The following POLR3B variants were observed in gnomAD, a reference collection of about 807,000 sequenced individuals.
POLR3B encodes the protein DNA-directed RNA polymerase III subunit RPC2.
POLR3B carries 96 observed loss-of-function variants against 147.4 expected under a neutral mutation model. That is an observed-to-expected ratio of 0.65 (90% confidence interval 0.55 to 0.77). The LOEUF (loss-of-function observed/expected upper bound fraction) is 0.77. Among genes scored for constraint, POLR3B ranks in the 30% least tolerant of loss-of-function variants. The pLI is 0.00. For missense variants in POLR3B, 1,036 were observed against 1,413.5 expected (o/e 0.73, Z 4.28); for synonymous variants, 461 against 485.9 (o/e 0.95, Z 0.67).
chr12:106,496,907 C>A lies in POLR3B; in HGVS notation c.2973C>A (p.Ser991=). 6.2e-7 allele frequency: 1 copy of A among 1,613,788 alleles called. No homozygotes were observed. Among genetic ancestry groups the A allele is most frequent in the East Asian group, 2.2e-5 (1 of 44,818 alleles). Residue 991 remains serine (S), a synonymous_variant, in exon 25 of 28, where the codon TCC becomes TCA. Coordinates refer to ENST00000228347, the MANE Select transcript of POLR3B (RefSeq NM_018082.6). ...YNYLGKDYVT[S]GITGEPLEAY... ...ACTTGGGGAAAGACTATGTTACATCCGGCATCACAGGGTAAGCATGCGATT... is the reference window on the plus strand; with the variant it reads ...ACTTGGGGAAAGACTATGTTACATCAGGCATCACAGGGTAAGCATGCGATT...
At chr12:106,372,089 A>G (rs1565875391) in intron 6 of POLR3B, among the ~76,000 whole-genome samples, 1 of 152,188 alleles carries the variant, frequency 6.6e-6, no homozygotes, top group Non-Finnish European at 1.5e-5. Context: ...TATATGTGCT[A>G]TGCATTACCT....
chr12:106,488,401 G>C (rs769667749), intron 23 of POLR3B, among the ~76,000 whole-genome samples: 30 of 152,278 alleles, frequency 2.0e-4, no homozygotes, highest in South Asian at 1.9e-3. Context: ...TCAAAGTTGT[G>C]AATTTGTCTT....
intron 1 of POLR3B, 74 bp downstream of exon 1, chr12:106,358,025 C>A: frequency 1.9e-6 from 3 of 1,584,000 alleles, no homozygotes; most frequent in South Asian, 2.3e-5. Flanking sequence ...AGTGCTCGGG[C>A]CGCCAAGGGG....
chr12:106,403,560 C>A, intron 10 of POLR3B, among the ~76,000 whole-genome samples: 1 of 151,974 alleles, frequency 6.6e-6, no homozygotes, highest in East Asian at 1.9e-4. Context: ...AGAATCAACC[C>A]AAATGTCCAA....
intron 12 of POLR3B, among the ~76,000 whole-genome samples, chr12:106,419,923 T>C (rs1462888045): frequency 6.6e-6 from 1 of 151,942 alleles, no homozygotes; most frequent in East Asian, 1.9e-4. Context: ...CCTCACAGTT[T>C]TGTGGGTCAA....
intron 11 of POLR3B, among the ~76,000 whole-genome samples, chr12:106,408,627 G>C (rs1186931558): frequency 2.6e-5 from 4 of 152,126 alleles, no homozygotes; most frequent in Non-Finnish European, 1.5e-5. Context: ...AAAGATCTCC[G>C]GAGTTCTGAA....
chr12:106,391,151 T>C (rs1379403948), intron 9 of POLR3B, among the ~76,000 whole-genome samples: 1 of 152,216 alleles, frequency 6.6e-6, no homozygotes, highest in East Asian at 1.9e-4. Context: ...CTCACCCCCA[T>C]GGCAGTTGAC....
intron 9 of POLR3B, among the ~76,000 whole-genome samples, chr12:106,383,462 C>CT (rs35608186): frequency 0.23 from 34,318 of 151,510 alleles, 4,193 homozygotes; most frequent in African/African-American, 0.3. Context: ...ACATGCAACC[C>CT]TTTTTTTTAC....
intron 10 of POLR3B, among the ~76,000 whole-genome samples, chr12:106,399,020 C>T (rs7316730): frequency 0.39 from 59,735 of 151,934 alleles, 13,936 homozygotes; most frequent in African/African-American, 0.65. Flanking sequence ...AGGCTTCACA[C>T]GATCAAACTA....
At chr12:106,391,439 A>G (rs1023152192) in intron 9 of POLR3B, among the ~76,000 whole-genome samples, 7 of 145,998 alleles carry the variant, frequency 4.8e-5, no homozygotes, top group South Asian at 2.1e-4. Context: ...TGAAGGGAGT[A>G]TCAAAGAATC....
At chr12:106,485,050 G>C (rs985737712) in intron 23 of POLR3B, among the ~76,000 whole-genome samples, 1 of 152,046 alleles carries the variant, frequency 6.6e-6, no homozygotes, top group African/African-American at 2.4e-5. Flanking sequence ...TGGGTGTCTT[G>C]GTCCATTTTC....
In POLR3B at chr12:106,496,866, C is replaced by A; in HGVS notation, c.2932C>A (p.Arg978Ser). The change falls in exon 25 of 28, where the codon CGC becomes AGC. Residue 978 changes from arginine (R) to serine (S), a missense_variant. By Grantham distance (110) the Arg-to-Ser change is moderately radical. This residue lies in a region of POLR3B where 88 missense variants were observed against 87.5 expected (regional missense o/e 1.01). Coordinates refer to ENST00000228347, the MANE Select transcript of POLR3B (RefSeq NM_018082.6). ...GAAGGATGTGTGTGAGGACCTCGTTCGCCATGGTTATAACTACTTGGGGAA... is the reference window on the plus strand; with the variant it reads ...GAAGGATGTGTGTGAGGACCTCGTTAGCCATGGTTATAACTACTTGGGGAA... ...KVKDVCEDLV[R>S]HGYNYLGKDY... 1.2e-6 allele frequency: 2 copies of A among 1,614,012 alleles called. No homozygotes were observed. Among genetic ancestry groups the A allele is most frequent in the African/African-American group, 1.3e-5 (1 of 75,002 alleles).
At chr12:106,367,386 C>G (rs908603003) in intron 4 of POLR3B, among the ~76,000 whole-genome samples, 1 of 152,142 alleles carries the variant, frequency 6.6e-6, no homozygotes, top group African/African-American at 2.4e-5. Flanking sequence ...AGCACAGATA[C>G]GATGTTGTCT....
chr12:106,401,183 A>G (rs1347744981), intron 10 of POLR3B, among the ~76,000 whole-genome samples: 2 of 152,230 alleles, frequency 1.3e-5, no homozygotes, highest in Admixed American at 1.3e-4. Context: ...CCATCAGAGA[A>G]TACTATAAAC....
intron 6 of POLR3B, among the ~76,000 whole-genome samples, chr12:106,374,509 T>A (rs1593004489): frequency 6.6e-6 from 1 of 151,746 alleles, no homozygotes; most frequent in East Asian, 1.9e-4. Flanking sequence ...GAGCCACCAT[T>A]TGTGGCATGT....
rs763259986 is a variant in POLR3B at position 106,509,471 on chromosome 12, T to C, written c.3324T>C (p.Tyr1108=). Residue 1108 remains tyrosine (Y), a synonymous_variant, in exon 28 of 28, where the codon TAT becomes TAC. Transcript: ENST00000228347. Reference sequence around the variant, plus strand: ...ACGTGTCTTCCCTCCGTATTCCGTATGCCTGCAAGCTGCTCTTCCAGGAAC... The same window carrying C: ...ACGTGTCTTCCCTCCGTATTCCGTACGCCTGCAAGCTGCTCTTCCAGGAAC... ...SCHVSSLRIP[Y]ACKLLFQELQ... The C allele has an allele frequency of 2.5e-6, 4 of 1,613,706 alleles. No individual in the cohort carries two copies. Among genetic ancestry groups the C allele is most frequent in the Middle Eastern group, 1.6e-4 (1 of 6,084 alleles).
At chr12:106,430,094 C>T (rs1050501469) in intron 13 of POLR3B, among the ~76,000 whole-genome samples, 179 bp from the exon 14 acceptor site, 2 of 152,148 alleles carry the variant, frequency 1.3e-5, no homozygotes, top group Non-Finnish European at 2.9e-5. Flanking sequence ...TAGAAAACCC[C>T]AGCAAGTGAC....
At chr12:106,410,701 A>G in intron 11 of POLR3B, 125 bp from the exon 12 acceptor site, 2 of 848,066 alleles carry the variant, frequency 2.4e-6, no homozygotes, top group Non-Finnish European at 3.8e-6. Context: ...ATTTATTTGA[A>G]TGGAGAGAAT....
intron 12 of POLR3B, among the ~76,000 whole-genome samples, chr12:106,414,096 T>A (rs1447322852): frequency 7.2e-6 from 1 of 138,252 alleles, no homozygotes; most frequent in East Asian, 1.9e-4. Flanking sequence ...GCATCTAGAA[T>A]CTAATATGCC....
Sources: gnomAD v4.1 joint callset for allele counts (sites outside exome capture counted in the v4.1 genomes callset) on GRCh38, gnomAD v4.1.1 for gene constraint, gnomAD v4.1.1 regional missense constraint, MANE v1.5 for transcripts, NCBI Gene and HGNC (gene_info 2026-07-23, HGNC 2026-07-21) for gene names.